Variants in LRRC37A2 observed in about 807,000 individuals in gnomAD.
The protein encoded by LRRC37A2 is leucine rich repeat containing 37 member A2, also known as leucine-rich repeat-containing protein 37A2.
Under a neutral mutation model 68.8 loss-of-function variants are expected in LRRC37A2, and 9 were observed. The ratio of observed to expected loss-of-function variants is 0.13; its 90% CI spans 0.08 to 0.23. The LOEUF is 0.23. LRRC37A2 is among the 10% of genes least tolerant of loss of function. The probability of loss-of-function intolerance (pLI) is 1.00; values close to 1 mark genes in which losing one functional copy is unlikely to be tolerated. For synonymous variants in LRRC37A2, 63 were observed against 367.6 expected, an observed-to-expected ratio of 0.17 and a Z score of 9.48; for missense variants, 168 against 950.4, an observed-to-expected ratio of 0.18 and a Z score of 10.82.
the LRRC37A2 span, chr17:46,728,945 A>G: frequency 6.8e-7 from 1 of 1,478,536 alleles, no homozygotes; most frequent in Non-Finnish European, 9.4e-7. Context: ...GTAAAATAAT[A>G]CTACTAATAA....
At chr17:46,918,640 T>C in the LRRC37A2 span, among the ~76,000 whole-genome samples, 5 of 129,702 alleles carry the variant, frequency 3.9e-5, no homozygotes, top group South Asian at 2.5e-4. Context: ...CACACACACA[T>C]ACAATTTCCC....
At chr17:46,895,459 G>A in the LRRC37A2 span, among the ~76,000 whole-genome samples, 6 of 152,328 alleles carry the variant, frequency 3.9e-5, no homozygotes, top group Non-Finnish European at 7.3e-5. Context: ...GTCAGTGGCC[G>A]TGGTGCCTAC....
At chr17:46,722,614 T>A in the LRRC37A2 span, among the ~76,000 whole-genome samples, 1 of 152,148 alleles carries the variant, frequency 6.6e-6, no homozygotes, top group African/African-American at 2.4e-5. Flanking sequence ...TTAGTGAGAA[T>A]TCTGCTGGGG....
At chr17:46,799,739 C>A in the LRRC37A2 span, among the ~76,000 whole-genome samples, 3 of 152,180 alleles carry the variant, frequency 2.0e-5, no homozygotes, top group East Asian at 1.9e-4. Context: ...TGAGCCACTG[C>A]GCCTAGCCAG....
the LRRC37A2 span, among the ~76,000 whole-genome samples, chr17:46,973,776 C>T: frequency 6.6e-6 from 1 of 152,084 alleles, no homozygotes; most frequent in African/African-American, 2.4e-5. Flanking sequence ...ACTCGGAAAT[C>T]CCACTTAAGT....
the LRRC37A2 span, among the ~76,000 whole-genome samples, chr17:47,001,717 CTTTTTTTTTT>C: frequency 9.2e-6 from 1 of 108,610 alleles, no homozygotes; most frequent in Non-Finnish European, 1.9e-5. Flanking sequence ...CTCTTTTTTC[CTTTTTTTTTT>C]TTTTTTTTTT....
chr17:46,730,267 G>T, the LRRC37A2 span, among the ~76,000 whole-genome samples: 19 of 152,096 alleles, frequency 1.2e-4, no homozygotes, highest in African/African-American at 4.3e-4. Flanking sequence ...ATTAGAATGT[G>T]AGACTTTTTC....
the LRRC37A2 span, chr17:46,423,256 GT>G: frequency 4.5e-5 from 1 of 22,322 alleles, no homozygotes; most frequent in South Asian, 4.3e-4. Context: ...TCTTGAGAGA[GT>G]TTATCACAGA....
chr17:46,817,250 A>C, the LRRC37A2 span, among the ~76,000 whole-genome samples: 1 of 152,106 alleles, frequency 6.6e-6, no homozygotes, highest in Non-Finnish European at 1.5e-5. Flanking sequence ...GGGTTGGCGA[A>C]AGGCAGGGAG....
At chr17:46,761,655 G>A in the LRRC37A2 span, among the ~76,000 whole-genome samples, 6 of 152,086 alleles carry the variant, frequency 3.9e-5, no homozygotes, top group South Asian at 2.1e-4. Context: ...ATTTCTCTTC[G>A]TAGTGAGGTA....
At chr17:46,846,971 A>G in the LRRC37A2 span, among the ~76,000 whole-genome samples, 1 of 152,090 alleles carries the variant, frequency 6.6e-6, no homozygotes, top group Admixed American at 6.5e-5. Flanking sequence ...CCTCCCAAAT[A>G]CCTTTCCTGC....
chr17:46,852,923 G>A, the LRRC37A2 span, among the ~76,000 whole-genome samples: 2 of 152,220 alleles, frequency 1.3e-5, no homozygotes, highest in South Asian at 4.2e-4. Flanking sequence ...AACATGTCTG[G>A]GCTGTGGAGG....
At chr17:46,542,591 A>T (rs2055573122) in intron 8 of LRRC37A2, among the ~76,000 whole-genome samples, 1 of 149,828 alleles carries the variant, frequency 6.7e-6, no homozygotes, top group African/African-American at 2.5e-5. Flanking sequence ...GCTACTAGGG[A>T]ACCTGAGTCA....
At chr17:46,926,545 G>T in the LRRC37A2 span, among the ~76,000 whole-genome samples, 4 of 152,314 alleles carry the variant, frequency 2.6e-5, no homozygotes, top group Non-Finnish European at 4.4e-5. Flanking sequence ...CCCCATGCTA[G>T]AGAGGGCTAA....
At chr17:46,847,967 AGTGTGTGTGT>A in the LRRC37A2 span, among the ~76,000 whole-genome samples, 14 of 149,702 alleles carry the variant, frequency 9.4e-5, no homozygotes, top group East Asian at 2.6e-3. Flanking sequence ...TGATTTCCAA[AGTGTGTGTGT>A]GTGTGTGTGT....
At chr17:46,902,736 G>A in the LRRC37A2 span, among the ~76,000 whole-genome samples, 31 of 152,252 alleles carry the variant, frequency 2.0e-4, no homozygotes, top group Admixed American at 6.5e-4. Flanking sequence ...GATACCGTGA[G>A]TAGCCAACCC....
the LRRC37A2 span, among the ~76,000 whole-genome samples, chr17:46,785,209 G>A: frequency 1.3e-5 from 2 of 152,218 alleles, no homozygotes; most frequent in African/African-American, 2.4e-5. Context: ...TACAAAGCCA[G>A]CTCTTCCCTG....
chr17:46,970,683 C>G, the LRRC37A2 span, among the ~76,000 whole-genome samples: 2 of 152,154 alleles, frequency 1.3e-5, no homozygotes, highest in African/African-American at 2.4e-5. Context: ...GCTCCACTCA[C>G]GTGGACGGGG....
At chr17:46,493,256 C>G in the LRRC37A2 span, among the ~76,000 whole-genome samples, 1,998 of 114,758 alleles carry the variant, frequency 0.017, no homozygotes, top group Non-Finnish European at 0.027. Context: ...CTTCTGGGTT[C>G]AAGCCATCCT....
Sources: allele counts gnomAD v4.1 joint callset (sites outside exome capture counted in the v4.1 genomes callset), GRCh38; gene constraint gnomAD v4.1.1; transcripts MANE v1.5; gene names NCBI Gene and HGNC (gene_info 2026-07-23, HGNC 2026-07-21).